The following DLG2 variants were observed in gnomAD, a reference collection of about 807,000 sequenced individuals.
DLG2 encodes disks large homolog 2.
In DLG2, 45 loss-of-function variants were observed where a neutral mutation model predicts 132.5. The ratio of observed to expected loss-of-function variants is 0.34; its 90% CI spans 0.27 to 0.44. The LOEUF (loss-of-function observed/expected upper bound fraction) is 0.44, where lower values mean the gene tolerates loss of function less well. Among genes scored for constraint, DLG2 ranks in the 20% least tolerant of loss-of-function variants. The probability of loss-of-function intolerance (pLI) is 1.00; values close to 1 mark genes in which losing one functional copy is unlikely to be tolerated. For synonymous variants in DLG2, 424 were observed against 419.6 expected (o/e 1.01, Z -0.13); for missense variants, 1,045 against 1,196.9 (o/e 0.87, Z 1.87).
rs1004182025 is a variant in DLG2 at position 84,005,797 on chromosome 11, C to A, written c.920-25155G>T. Among the ~76,000 whole-genome samples the A allele has an allele frequency of 2.3e-4, 35 of 151,828 alleles. No individual in the cohort carries two copies. In the East Asian group the frequency reaches 6.6e-3, roughly 28 times the overall value. On this transcript the variant is annotated intron_variant, in intron 11 of 27. Transcript: ENST00000376104. ...TATCATCTTATCCCAGGTAGAATGG[C>A]TATTATTAAAAAGACAAAAAATAAC...
chr11:85,262,263 T>C (rs2076982134), intron 4 of DLG2, among the ~76,000 whole-genome samples: 2 of 152,124 alleles, frequency 1.3e-5, no homozygotes, highest in Non-Finnish European at 2.9e-5. Context: ...ATAACAACTG[T>C]TTCAGCACTG....
At chr11:84,940,397 C>T (rs1480865736) in intron 6 of DLG2, among the ~76,000 whole-genome samples, 1 of 152,222 alleles carries the variant, frequency 6.6e-6, no homozygotes, top group African/African-American at 2.4e-5. Flanking sequence ...AGATGATCCA[C>T]CTGCCTAGGC....
At chr11:85,178,298 T>C (rs2079452602) in intron 4 of DLG2, among the ~76,000 whole-genome samples, 1 of 152,028 alleles carries the variant, frequency 6.6e-6, no homozygotes, top group Non-Finnish European at 1.5e-5. Context: ...CCCAAAAAAG[T>C]ATGCATGTGT....
At chr11:83,496,529 A>T (rs1287360848) in intron 21 of DLG2, among the ~76,000 whole-genome samples, 1 of 152,218 alleles carries the variant, frequency 6.6e-6, no homozygotes, top group Non-Finnish European at 1.5e-5. Context: ...CAATTACCTC[A>T]AACTGGAAAC....
At chr11:84,022,739 T>G (rs569780555) in intron 11 of DLG2, among the ~76,000 whole-genome samples, 40 of 152,232 alleles carry the variant, frequency 2.6e-4, no homozygotes, top group Non-Finnish European at 4.7e-4. Flanking sequence ...AAACTTTTTT[T>G]GGGGGGAGTA....
chr11:84,291,045 A>C (rs897715434), intron 7 of DLG2, among the ~76,000 whole-genome samples: 1 of 152,196 alleles, frequency 6.6e-6, no homozygotes, highest in African/African-American at 2.4e-5. Context: ...CATTCAATAC[A>C]TGTTAGCTAC....
chr11:84,932,870 C>G (rs538232235), intron 6 of DLG2, among the ~76,000 whole-genome samples: 1 of 152,046 alleles, frequency 6.6e-6, no homozygotes, highest in African/African-American at 2.4e-5. Flanking sequence ...CCTTTGGGTA[C>G]GTACCCAGTA....
At chr11:84,919,701 C>T (rs191773355) in intron 6 of DLG2, among the ~76,000 whole-genome samples, 4 of 152,158 alleles carry the variant, frequency 2.6e-5, no homozygotes, top group Admixed American at 1.3e-4. Flanking sequence ...GGAAATAGTG[C>T]GATGAGGAAG....
At chr11:85,247,500 T>G (rs2076195704) in intron 4 of DLG2, among the ~76,000 whole-genome samples, 1 of 152,052 alleles carries the variant, frequency 6.6e-6, no homozygotes, top group African/African-American at 2.4e-5. Context: ...TCTTCCCTCA[T>G]TTTTTCCTTA....
chr11:85,130,525 G>A (rs1371738987), intron 5 of DLG2, among the ~76,000 whole-genome samples: 3 of 152,128 alleles, frequency 2.0e-5, no homozygotes, highest in Non-Finnish European at 4.4e-5. Flanking sequence ...CTTGACAAAG[G>A]TAGCGGTCAG....
chr11:84,850,995 T>C (rs1216641441), intron 6 of DLG2, among the ~76,000 whole-genome samples: 2 of 152,134 alleles, frequency 1.3e-5, no homozygotes, highest in Non-Finnish European at 2.9e-5. Context: ...ATGCAATCTT[T>C]TTCAAAATCC....
intron 5 of DLG2, among the ~76,000 whole-genome samples, chr11:85,141,270 G>C (rs1380597015): frequency 6.6e-6 from 1 of 151,790 alleles, no homozygotes; most frequent in Non-Finnish European, 1.5e-5. Context: ...TTTAACTGGG[G>C]TGAGATGATA....
chr11:85,516,698 C>T (rs761492354), intron 3 of DLG2, among the ~76,000 whole-genome samples: 2 of 152,014 alleles, frequency 1.3e-5, no homozygotes, highest in African/African-American at 4.8e-5. Flanking sequence ...TTCCTGAACA[C>T]ATAGAACCTT....
intron 6 of DLG2, among the ~76,000 whole-genome samples, chr11:85,077,726 A>G (rs1467844850): frequency 1.3e-5 from 2 of 152,084 alleles, no homozygotes; most frequent in African/African-American, 2.4e-5. Flanking sequence ...TGTGTGGGGA[A>G]TATGTTCAAA....
chr11:84,729,134 G>C (rs1485819800), intron 6 of DLG2, among the ~76,000 whole-genome samples: 3 of 152,004 alleles, frequency 2.0e-5, no homozygotes, highest in Non-Finnish European at 4.4e-5. Flanking sequence ...GCTAGATTTT[G>C]AATTTGTTTG....
intron 7 of DLG2, among the ~76,000 whole-genome samples, chr11:84,337,721 G>C (rs547247877): frequency 1.3e-5 from 2 of 152,156 alleles, no homozygotes; most frequent in South Asian, 2.1e-4. Flanking sequence ...TCTTATCCTT[G>C]TTAATAGCCT....
In DLG2 at chr11:83,833,571, G is replaced by C. The variant is rs773929333; in HGVS notation, c.1722+43C>G. 2.6e-6 allele frequency: 4 copies of C among 1,512,730 alleles called. No homozygotes were observed. In the Admixed American group the frequency reaches 8.2e-5, roughly 31 times the overall value. The allele number at this position is 1,512,730 out of a possible 1,614,324, so 93.7% of individuals were successfully genotyped here. A position where few individuals can be genotyped will look rare whatever the true frequency, so the allele number is the denominator to read the frequency against. On this transcript the variant is annotated intron_variant, in intron 17 of 27. Transcript: ENST00000376104. ...GAAAGTTATGACTTTTTCATTGATG[G>C]CGTCAGATATGGAGGGAATAAAGAT...
At position 84,534,596 on chromosome 11, in the gene DLG2, A is replaced by G; in HGVS notation, c.493T>C (p.Leu165=). ...TTCAGAGGAGAAATATGAGACTGCAAGACATATCCATGGACATTTTCTATT... is the reference window on the plus strand; with the variant it reads ...TTCAGAGGAGAAATATGAGACTGCAGGACATATCCATGGACATTTTCTATT... ...SQIENVHGYV[L]QSHISPLKAS... The change falls in exon 7 of 28, where the codon TTG becomes CTG. Residue 165 remains leucine, a synonymous_variant. Coordinates refer to ENST00000376104, the MANE Select transcript of DLG2 (RefSeq NM_001142699.3). 1 of 1,614,028 alleles carries G rather than the reference A, an allele frequency of 6.2e-7. No homozygotes were observed. The highest frequency in any genetic ancestry group is 8.5e-7 in the Non-Finnish European group (1 of 1,179,936).
At chr11:84,841,285 G>T (rs769357088) in intron 6 of DLG2, among the ~76,000 whole-genome samples, 2 of 151,958 alleles carry the variant, frequency 1.3e-5, no homozygotes, top group Non-Finnish European at 2.9e-5. Context: ...CAGTTTTGCT[G>T]TGCCTATTTT....
Sources: gnomAD v4.1 joint callset for allele counts (sites outside exome capture counted in the v4.1 genomes callset) on GRCh38, gnomAD v4.1.1 for gene constraint, MANE v1.5 for transcripts, NCBI Gene and HGNC (gene_info 2026-07-23, HGNC 2026-07-21) for gene names.